OXR1: variants seen among roughly 807,000 people sequenced by gnomAD.
OXR1 encodes oxidation resistance 1.
OXR1 carries 41 observed loss-of-function variants against 104.6 expected under a neutral mutation model. The ratio of observed to expected loss-of-function variants is 0.39; its 90% CI spans 0.31 to 0.51. The LOEUF is 0.51. OXR1 is among the 20% of genes least tolerant of loss of function. The pLI, the probability that OXR1 is intolerant of heterozygous loss-of-function variation, is 0.77. For synonymous variants in OXR1, 348 were observed against 348.4 expected, an observed-to-expected ratio of 1.00 and a Z score of 0.01; for missense variants, 955 against 1,031.9, an observed-to-expected ratio of 0.93 and a Z score of 1.02.
intron 2 of OXR1, among the ~76,000 whole-genome samples, chr8:106,514,811 G>A (rs1178366494): frequency 6.6e-6 from 1 of 151,878 alleles, no homozygotes; most frequent in Non-Finnish European, 1.5e-5. Context: ...GTGAATTGAA[G>A]GTAAAACATT....
At chr8:106,509,023 A>G (rs1440352972) in intron 2 of OXR1, among the ~76,000 whole-genome samples, 1 of 152,204 alleles carries the variant, frequency 6.6e-6, no homozygotes, top group African/African-American at 2.4e-5. Flanking sequence ...TTAATCAGCA[A>G]TATTGGATAA....
chr8:106,482,064 C>A (rs1161789126), intron 2 of OXR1, among the ~76,000 whole-genome samples: 1 of 151,924 alleles, frequency 6.6e-6, no homozygotes, highest in Non-Finnish European at 1.5e-5. Flanking sequence ...TTATTGGGTG[C>A]CAAATCTGAG....
chr8:106,750,800 T>G lies in OXR1; in HGVS notation c.2487-6T>G. On this transcript the variant is annotated splice_region_variant and splice_polypyrimidine_tract_variant and intron_variant, in intron 16 of 16. Coordinates refer to ENST00000517566, the MANE Select transcript of OXR1 (RefSeq NM_001198533.2). ...ATATTAACAGATTATTATTTATGTA[T>G]TGCAGAGGAGAATTTGCGCTTTGGC... 2 of 1,577,696 alleles carry G rather than the reference T, an allele frequency of 1.3e-6. No homozygotes were observed. Among genetic ancestry groups the G allele is most frequent in the Non-Finnish European group, 1.7e-6 (2 of 1,161,498 alleles).
intron 1 of OXR1, among the ~76,000 whole-genome samples, chr8:106,290,416 A>C (rs537490447): frequency 1.3e-5 from 2 of 152,274 alleles, no homozygotes; most frequent in East Asian, 3.9e-4. Context: ...GCTAAGTCCC[A>C]AAAAGCAATT....
chr8:106,281,787 A>C (rs1812294930), intron 1 of OXR1, among the ~76,000 whole-genome samples: 1 of 143,484 alleles, frequency 7.0e-6, no homozygotes, highest in African/African-American at 2.7e-5. Context: ...GTGACAGAGC[A>C]AGACTCTATC....
chr8:106,650,018 C>T lies in OXR1; in HGVS notation c.221-29192C>T, dbSNP rs1010483505. On this transcript the variant is annotated intron_variant, in intron 3 of 16. Transcript: ENST00000517566. ...GCCAAAAATATTTTTTAATTATATA[C>T]ACTAAATAACAACATAATGAATAAT... 3.3e-5 allele frequency among the ~76,000 whole-genome samples: 5 copies of T among 152,190 alleles called. No homozygotes were observed. The South Asian group carries it at 6.2e-4, about 19-fold the overall frequency.
chr8:106,593,281 C>G (rs1043347664), intron 3 of OXR1, among the ~76,000 whole-genome samples: 1 of 152,176 alleles, frequency 6.6e-6, no homozygotes, highest in Non-Finnish European at 1.5e-5. Flanking sequence ...CCCGCCGGAA[C>G]TCTGCTAACC....
chr8:106,653,365 T>C (rs1043801998), intron 3 of OXR1, among the ~76,000 whole-genome samples: 9 of 151,636 alleles, frequency 5.9e-5, no homozygotes, highest in African/African-American at 2.2e-4. Context: ...CAAAAAATAA[T>C]CAACAGAATA....
At chr8:106,739,311 G>T in intron 12 of OXR1, 147 bp from the exon 13 acceptor site, 1 of 645,348 alleles carries the variant, frequency 1.5e-6, no homozygotes, top group Non-Finnish European at 2.7e-6. Flanking sequence ...TATTAGATAT[G>T]GGCCATCTTT....
chr8:106,595,976 T>A (rs915609902), intron 3 of OXR1, among the ~76,000 whole-genome samples: 3 of 152,218 alleles, frequency 2.0e-5, no homozygotes, highest in Non-Finnish European at 4.4e-5. Flanking sequence ...TAAATATTTC[T>A]TCCTTCTCCT....
intron 2 of OXR1, among the ~76,000 whole-genome samples, chr8:106,368,443 T>TA (rs915549707): frequency 5.9e-5 from 9 of 152,034 alleles, no homozygotes; most frequent in African/African-American, 1.9e-4. Context: ...TGTTTCTTCT[T>TA]AAAAAAATGG....
At chr8:106,372,397 T>G (rs903703940) in intron 2 of OXR1, among the ~76,000 whole-genome samples, 2 of 151,324 alleles carry the variant, frequency 1.3e-5, no homozygotes, top group South Asian at 2.1e-4. Context: ...AGAATTCACA[T>G]GCTTATTATG....
intron 3 of OXR1, among the ~76,000 whole-genome samples, chr8:106,601,140 G>T (rs1285988502): frequency 1.3e-5 from 2 of 152,104 alleles, no homozygotes; most frequent in African/African-American, 2.4e-5. Context: ...GGCACTGTTT[G>T]CAAAGTGAGA....
At chr8:106,693,985 A>G (rs1829570390) in intron 7 of OXR1, among the ~76,000 whole-genome samples, 1 of 152,042 alleles carries the variant, frequency 6.6e-6, no homozygotes, top group East Asian at 1.9e-4. Context: ...ATTGTTTTAA[A>G]TGTTGTGTTT....
chr8:106,664,641 G>C (rs990164336), intron 3 of OXR1, among the ~76,000 whole-genome samples: 8 of 152,152 alleles, frequency 5.3e-5, no homozygotes, highest in African/African-American at 1.9e-4. Context: ...TTGCGTAATT[G>C]TTTTTTGACT....
intron 2 of OXR1, among the ~76,000 whole-genome samples, chr8:106,387,420 G>C (rs1586592575): frequency 6.6e-6 from 1 of 152,280 alleles, no homozygotes; most frequent in East Asian, 1.9e-4. Context: ...ATGTTTTCCA[G>C]GTTGCACTAG....
intron 7 of OXR1, among the ~76,000 whole-genome samples, chr8:106,700,607 T>C (rs1349617908): frequency 6.6e-6 from 1 of 152,212 alleles, no homozygotes; most frequent in Non-Finnish European, 1.5e-5. Context: ...AGTAGACTCA[T>C]GGTTTTGAGA....
At chr8:106,741,986 C>T (rs1834959958) in intron 14 of OXR1, among the ~76,000 whole-genome samples, 1 of 151,862 alleles carries the variant, frequency 6.6e-6, no homozygotes, top group African/African-American at 2.4e-5. Flanking sequence ...AAATAAAATC[C>T]CAAAATTTAA....
At chr8:106,352,866 G>T (rs914141499) in intron 1 of OXR1, among the ~76,000 whole-genome samples, 1 of 152,116 alleles carries the variant, frequency 6.6e-6, no homozygotes, top group East Asian at 1.9e-4. Flanking sequence ...ATTCTTCAGC[G>T]AATATCCTTT....
Sources: gnomAD v4.1 joint callset for allele counts (sites outside exome capture counted in the v4.1 genomes callset) on GRCh38, gnomAD v4.1.1 for gene constraint, MANE v1.5 for transcripts, NCBI Gene and HGNC (gene_info 2026-07-23, HGNC 2026-07-21) for gene names.